Variants in CPQ observed in about 807,000 individuals in gnomAD.
CPQ encodes Ser-Met dipeptidase.
In CPQ, 37 loss-of-function variants were observed where a neutral mutation model predicts 45.7. The ratio of observed to expected loss-of-function variants is 0.81; its 90% CI spans 0.62 to 1.07. The LOEUF (loss-of-function observed/expected upper bound fraction) is 1.07. Among genes scored for constraint, CPQ ranks in the 50% least tolerant of loss-of-function variants. The probability of loss-of-function intolerance (pLI) is 0.00; values close to 1 mark genes in which losing one functional copy is unlikely to be tolerated. For synonymous variants in CPQ, 186 were observed against 205.8 expected (o/e 0.90, Z 0.82); for missense variants, 537 against 572.9 (o/e 0.94, Z 0.64).
chr8:97,021,190 T>G, intron 5 of CPQ, among the ~76,000 whole-genome samples: 1 of 152,102 alleles, frequency 6.6e-6, no homozygotes, highest in Non-Finnish European at 1.5e-5. Flanking sequence ...TGATTAAAAC[T>G]CTCAGCAAAA....
chr8:96,657,083 A>G (rs1036262187), intron 1 of CPQ, among the ~76,000 whole-genome samples: 64 of 150,974 alleles, frequency 4.2e-4, no homozygotes, highest in African/African-American at 1.4e-3. Context: ...ACAGTGGCTC[A>G]CGCCTGTAAT....
intron 7 of CPQ, among the ~76,000 whole-genome samples, chr8:97,123,002 T>TAAAAA (rs1356753477): frequency 6.6e-5 from 1 of 15,198 alleles, no homozygotes; most frequent in Non-Finnish European, 1.1e-4. Context: ...TAAAATAAAA[T>TAAAAA]ATAAAATAAA....
At chr8:96,964,021 G>T (rs967162240) in intron 4 of CPQ, among the ~76,000 whole-genome samples, 2 of 150,970 alleles carry the variant, frequency 1.3e-5, no homozygotes, top group African/African-American at 4.9e-5. Flanking sequence ...TATTGCTATG[G>T]AGTGTCCTAT....
chr8:96,815,129 A>G (rs1447855027), intron 2 of CPQ, among the ~76,000 whole-genome samples: 1 of 152,044 alleles, frequency 6.6e-6, no homozygotes, highest in Non-Finnish European at 1.5e-5. Context: ...AATACTAAGA[A>G]CCTTTAAATG....
At chr8:96,872,692 T>C (rs1197497434) in intron 3 of CPQ, among the ~76,000 whole-genome samples, 1 of 151,766 alleles carries the variant, frequency 6.6e-6, no homozygotes, top group Non-Finnish European at 1.5e-5. Flanking sequence ...ACAAAACCAA[T>C]AGGATGTGCA....
chr8:96,709,167 G>A (rs1586367539), intron 1 of CPQ, among the ~76,000 whole-genome samples: 1 of 152,160 alleles, frequency 6.6e-6, no homozygotes, highest in East Asian at 1.9e-4. Context: ...AAATTGTACA[G>A]TAGTAAAGCC....
intron 6 of CPQ, among the ~76,000 whole-genome samples, chr8:97,065,530 G>A (rs557191143): frequency 2.0e-5 from 3 of 152,102 alleles, no homozygotes; most frequent in African/African-American, 7.2e-5. Flanking sequence ...TTTAAGCTTC[G>A]GCAGAACTCA....
At chr8:96,696,025 A>G (rs1277906298) in intron 1 of CPQ, among the ~76,000 whole-genome samples, 1 of 151,312 alleles carries the variant, frequency 6.6e-6, no homozygotes, top group East Asian at 1.9e-4. Context: ...ACAATAGCAA[A>G]GACTTGGAAC....
intron 2 of CPQ, among the ~76,000 whole-genome samples, chr8:96,817,689 C>T (rs4735438): frequency 0.52 from 78,929 of 151,630 alleles, 21,743 homozygotes; most frequent in East Asian, 0.88. Flanking sequence ...TCCTGGCTCA[C>T]TGCAGCCTTG....
At chr8:96,693,646 C>T (rs185575503) in intron 1 of CPQ, among the ~76,000 whole-genome samples, 6 of 152,120 alleles carry the variant, frequency 3.9e-5, no homozygotes, top group Admixed American at 3.9e-4. Context: ...GACATAAAGA[C>T]TTTTCCAGAC....
At chr8:96,933,503 G>T (rs140992906) in intron 4 of CPQ, among the ~76,000 whole-genome samples, 82 of 152,232 alleles carry the variant, frequency 5.4e-4, no homozygotes, top group African/African-American at 1.9e-3. Flanking sequence ...TTCTAACACC[G>T]ACAAGTTGTG....
intron 5 of CPQ, among the ~76,000 whole-genome samples, chr8:96,986,655 A>G (rs1808988972): frequency 6.6e-6 from 1 of 152,154 alleles, no homozygotes; most frequent in Non-Finnish European, 1.5e-5. Context: ...GGGCCTGGGG[A>G]AACAGTGGGA....
chr8:96,932,969 A>G (rs182017849), intron 4 of CPQ, among the ~76,000 whole-genome samples: 1 of 152,324 alleles, frequency 6.6e-6, no homozygotes, highest in Admixed American at 6.5e-5. Flanking sequence ...ATCACACTCT[A>G]GCAACCATTG....
intron 4 of CPQ, among the ~76,000 whole-genome samples, chr8:96,945,702 T>C (rs1158007742): frequency 6.6e-6 from 1 of 152,192 alleles, no homozygotes; most frequent in Non-Finnish European, 1.5e-5. Context: ...ATCTGTTTAA[T>C]GATATGATGT....
intron 5 of CPQ, among the ~76,000 whole-genome samples, chr8:96,978,242 T>G (rs1280790077): frequency 6.6e-6 from 1 of 152,206 alleles, no homozygotes; most frequent in African/African-American, 2.4e-5. Flanking sequence ...GAAGCTTCAC[T>G]AACACACTCA....
At chr8:96,799,394 G>A (rs1011731854) in intron 2 of CPQ, among the ~76,000 whole-genome samples, 2 of 152,206 alleles carry the variant, frequency 1.3e-5, no homozygotes, top group African/African-American at 4.8e-5. Context: ...CATCAGATAA[G>A]TAATTATTTG....
Position 96,845,554 on chromosome 8 carries a change from G to C in CPQ, c.641+10374G>C, listed in dbSNP as rs1043419682. 2.0e-5 allele frequency among the ~76,000 whole-genome samples: 3 copies of C among 152,100 alleles called. No individual in the cohort carries two copies. The South Asian group carries it at 6.2e-4, about 32-fold the overall frequency. On this transcript the variant is annotated intron_variant, in intron 3 of 7. Transcript: ENST00000220763. ...TTGTTTTGTTTTGAGACAGGGTCTT[G>C]CTCTGTTGCCCAGGCTGGAGTACAG...
chr8:96,980,574 C>T (rs1002995606), intron 5 of CPQ, among the ~76,000 whole-genome samples: 9 of 152,170 alleles, frequency 5.9e-5, no homozygotes, highest in Non-Finnish European at 1.2e-4. Flanking sequence ...CTATTATTAT[C>T]AGATTCTAAT....
At position 96,784,972 on chromosome 8, in the gene CPQ, G is replaced by T; in HGVS notation, c.75G>T (p.Lys25Asn). Residue 25 changes from lysine to asparagine, a missense_variant, in exon 2 of 8, where the codon AAG (lysine) becomes AAT (asparagine). Coordinates refer to ENST00000220763, the MANE Select transcript of CPQ (RefSeq NM_016134.4). ...TGTGCTCTGGGAAAGCTATATGCAAGAATGGCATCTCTAAGAGGACTTTTG... is the reference window on the plus strand; with the variant it reads ...TGTGCTCTGGGAAAGCTATATGCAATAATGGCATCTCTAAGAGGACTTTTG... ...LSLCSGKAIC[K>N]NGISKRTFEE... 1 of 1,613,744 alleles carries T rather than the reference G, an allele frequency of 6.2e-7. No homozygotes were observed. Among genetic ancestry groups the T allele is most frequent in the East Asian group, 2.2e-5 (1 of 44,872 alleles).
Sources: allele counts gnomAD v4.1 joint callset (sites outside exome capture counted in the v4.1 genomes callset), GRCh38; gene constraint gnomAD v4.1.1; transcripts MANE v1.5; gene names NCBI Gene and HGNC (gene_info 2026-07-23, HGNC 2026-07-21).